Variants in RASSF4 observed in about 807,000 individuals in gnomAD.
The protein encoded by RASSF4 is Ras association domain family member 4, also known as ras association domain-containing protein 4.
RASSF4 carries 38 observed loss-of-function variants against 41.1 expected under a neutral mutation model. That is an observed-to-expected ratio of 0.92 (90% CI 0.71 to 1.21). RASSF4 has a LOEUF of 1.21. RASSF4 is among the 50% of genes most tolerant of loss of function. The pLI is 0.00. For missense variants in RASSF4, 414 were observed against 419.4 expected (o/e 0.99, Z 0.11); for synonymous variants, 179 against 163.4 (o/e 1.10, Z -0.73).
chr10:44,987,366 G>A (rs1588843275), intron 6 of RASSF4, among the ~76,000 whole-genome samples: 1 of 152,208 alleles, frequency 6.6e-6, no homozygotes, highest in East Asian at 1.9e-4. Flanking sequence ...CAAAGTGCTG[G>A]GATTACAGGC....
rs765067156 is a variant in RASSF4, at chr10:44,993,268, G to A, written c.906-1G>A. 1.2e-6 allele frequency: 2 copies of A among 1,609,814 alleles called. No individual in the cohort carries two copies. Among genetic ancestry groups the A allele is most frequent in the African/African-American group, 2.7e-5 (2 of 74,928 alleles). ...GTCCTCTTGGCGATGTCTCCCTCCA[G>A]GTTCCAAGCCCTGCGTCTGACGATG... On this transcript the variant is annotated splice_acceptor_variant, in intron 10 of 10. Coordinates refer to ENST00000340258, the MANE Select transcript of RASSF4 (RefSeq NM_032023.4). LOFTEE classifies it high-confidence loss of function.
intron 3 of RASSF4, chr10:44,977,720 G>A (rs1841504092): frequency 1.2e-6 from 2 of 1,611,246 alleles, no homozygotes; most frequent in South Asian, 1.1e-5. Flanking sequence ...CCAGTCCAGG[G>A]GGTCCACAGT....
chr10:44,977,553 G>C, intron 3 of RASSF4: 1 of 1,613,494 alleles, frequency 6.2e-7, no homozygotes, highest in Non-Finnish European at 8.5e-7. Flanking sequence ...GCCAGGGAAT[G>C]CCCAGGCATC....
chr10:44,971,736 A>G (rs770225103), intron 2 of RASSF4, 37 bp from the exon 3 acceptor site: 1 of 1,555,166 alleles, frequency 6.4e-7, no homozygotes, highest in South Asian at 1.1e-5. Flanking sequence ...AGGCCCTGCC[A>G]CACCCTAGGA....
intron 6 of RASSF4, among the ~76,000 whole-genome samples, chr10:44,986,116 ATTCAAAAAT>A (rs1841911161): frequency 6.6e-6 from 1 of 152,216 alleles, no homozygotes; most frequent in Non-Finnish European, 1.5e-5. Context: ...GTAAGGAATT[ATTCAAAAAT>A]TTTCCAAAAT....
intron 4 of RASSF4, 183 bp downstream of exon 4, chr10:44,982,846 C>T (rs1416977108): frequency 2.8e-6 from 2 of 720,190 alleles, no homozygotes; most frequent in African/African-American, 3.5e-5. Context: ...GCCTCTCCCT[C>T]CTTCCTGGAG....
chr10:44,989,521 C>A, intron 7 of RASSF4, 146 bp downstream of exon 7: 1 of 966,468 alleles, frequency 1.0e-6, no homozygotes, highest in Non-Finnish European at 1.7e-6. Flanking sequence ...TTTGGTTTCT[C>A]GGATTTCAAG....
intron 6 of RASSF4, among the ~76,000 whole-genome samples, chr10:44,986,131 A>T (rs1422431381): frequency 9.9e-5 from 15 of 152,230 alleles, no homozygotes; most frequent in Non-Finnish European, 1.5e-5. Context: ...AAAATTTTCC[A>T]AAATATGTGC....
At chr10:44,977,614 C>T (rs1163808599) in intron 3 of RASSF4, 4 of 1,613,262 alleles carry the variant, frequency 2.5e-6, no homozygotes, top group Admixed American at 3.3e-5. Flanking sequence ...TGCTGCTGTC[C>T]ATCTGTCTAT....
At chr10:44,979,909 A>C (rs1365518254) in intron 3 of RASSF4, among the ~76,000 whole-genome samples, 2 of 152,078 alleles carry the variant, frequency 1.3e-5, no homozygotes, top group Non-Finnish European at 2.9e-5. Flanking sequence ...CCTGGGCAAC[A>C]TTAGAAAGCC....
chr10:44,995,046 G>A lies in RASSF4; in HGVS notation c.*1717G>A, dbSNP rs1456644962. The A allele has an allele frequency of 6.6e-6, 1 of 152,290 alleles. No individual in the cohort carries two copies. The highest frequency in any genetic ancestry group is 1.5e-5 in the Non-Finnish European group (1 of 68,124). 9.4% of individuals were successfully genotyped at this position (152,290 alleles called of 1,614,324 possible). A position where few individuals can be genotyped will look rare whatever the true frequency, so the allele number is the denominator to read the frequency against. On this transcript the variant is annotated 3_prime_UTR_variant, in exon 11 of 11. Coordinates refer to ENST00000340258, the MANE Select transcript of RASSF4 (RefSeq NM_032023.4). ...AGAATCTTCCAGGCCAGGGGCTCAGGTGGGATGGAAGCAGGGCCTAGGAGA... is the reference window on the plus strand; with the variant it reads ...AGAATCTTCCAGGCCAGGGGCTCAGATGGGATGGAAGCAGGGCCTAGGAGA...
rs1169735598 is a variant in RASSF4 at position 44,992,011 on chromosome 10, C to T, written c.905+9C>T. The T allele has an allele frequency of 6.4e-7, 1 of 1,555,044 alleles. No homozygotes were observed. The highest frequency in any genetic ancestry group is 8.9e-7 in the Non-Finnish European group (1 of 1,126,858). On this transcript the variant is annotated intron_variant, in intron 10 of 10. Coordinates refer to ENST00000340258, the MANE Select transcript of RASSF4 (RefSeq NM_032023.4). ...ATCAAACTGACCATGAAGTAAGCAGCACTTAAACAGACAGTCATGGGTCCT... is the reference window on the plus strand; with the variant it reads ...ATCAAACTGACCATGAAGTAAGCAGTACTTAAACAGACAGTCATGGGTCCT...
chr10:44,987,625 A>G lies in RASSF4; in HGVS notation c.532-1649A>G, dbSNP rs1034362990. ...CAACCTTCCATTTGCAAAAATGTGC[A>G]CTTTTTTTTTTTTTTTTGCTGCACC... On this transcript the variant is annotated intron_variant, in intron 6 of 10. Coordinates refer to ENST00000340258, the MANE Select transcript of RASSF4 (RefSeq NM_032023.4). Among the ~76,000 whole-genome samples the G allele has an allele frequency of 2.6e-5, 3 of 117,332 alleles. No homozygotes were observed. The South Asian group carries it at 9.7e-4, about 38-fold the overall frequency. The allele number at this position is 117,332 out of a possible 152,430, so 77.0% of individuals were successfully genotyped here.
intron 3 of RASSF4, chr10:44,977,308 G>C (rs1366013588): frequency 1.3e-6 from 2 of 1,484,470 alleles, no homozygotes; most frequent in Non-Finnish European, 1.8e-6. Context: ...TCAGAGACCT[G>C]CCAGGGGCAG....
intron 3 of RASSF4, among the ~76,000 whole-genome samples, chr10:44,980,500 G>A (rs1433602468): frequency 1.3e-5 from 2 of 152,168 alleles, no homozygotes; most frequent in African/African-American, 2.4e-5. Flanking sequence ...GTGTAGGCAT[G>A]TCTGGCCTGA....
At chr10:44,988,832 A>G (rs1842007918) in intron 6 of RASSF4, among the ~76,000 whole-genome samples, 1 of 152,218 alleles carries the variant, frequency 6.6e-6, no homozygotes, top group Non-Finnish European at 1.5e-5. Flanking sequence ...ACCAGAAGGG[A>G]ACAAGCTGGG....
intron 3 of RASSF4, 63 bp from the exon 4 acceptor site, chr10:44,982,458 T>A: frequency 6.3e-7 from 1 of 1,594,452 alleles, no homozygotes; most frequent in Non-Finnish European, 8.6e-7. Flanking sequence ...ATCCCATCCC[T>A]AGGGGGCACA....
intron 4 of RASSF4, chr10:44,983,428 T>C (rs41301601): frequency 0.037 from 6,540 of 174,470 alleles, 143 homozygotes; most frequent in East Asian, 0.064. Context: ...GTGACTCACA[T>C]GTGCCCCTCT....
chr10:44,981,404 C>T (rs1384866993), intron 3 of RASSF4: 1 of 152,156 alleles, frequency 6.6e-6, no homozygotes, highest in Non-Finnish European at 1.5e-5. Context: ...ATGGGCTGGA[C>T]AACGTTGTGC....
Sources: gnomAD v4.1 joint callset for allele counts (sites outside exome capture counted in the v4.1 genomes callset) on GRCh38, gnomAD v4.1.1 for gene constraint, MANE v1.5 for transcripts, NCBI Gene and HGNC (gene_info 2026-07-23, HGNC 2026-07-21) for gene names.